Variants in LRRC69 observed in about 807,000 individuals in gnomAD.
The protein encoded by LRRC69 is leucine rich repeat containing 69, also known as leucine-rich repeat-containing protein 69.
LRRC69 carries 42 observed loss-of-function variants against 37.8 expected under a neutral mutation model. That is an observed-to-expected ratio of 1.11 (90% CI 0.87 to 1.44). The LOEUF (loss-of-function observed/expected upper bound fraction) is 1.44. Among genes scored for constraint, LRRC69 ranks in the 40% most tolerant of loss-of-function variants. LRRC69 has a pLI of 0.00. For synonymous variants in LRRC69, 141 were observed against 143.1 expected, an observed-to-expected ratio of 0.99 and a Z score of 0.11; for missense variants, 357 against 401.9, an observed-to-expected ratio of 0.89 and a Z score of 0.96.
intron 1 of LRRC69, among the ~76,000 whole-genome samples, chr8:91,113,212 C>A (rs1362068241): frequency 6.6e-6 from 1 of 151,918 alleles, no homozygotes; most frequent in African/African-American, 2.4e-5. Flanking sequence ...ATAGAAAAAA[C>A]AATTTTAAAA....
intron 1 of LRRC69, among the ~76,000 whole-genome samples, chr8:91,117,781 C>G (rs1813537456): frequency 6.6e-6 from 1 of 151,604 alleles, no homozygotes; most frequent in Non-Finnish European, 1.5e-5. Flanking sequence ...GTGTTGTCAT[C>G]CGCCAGAGGG....
At chr8:91,179,417 G>C (rs1809287072) in intron 5 of LRRC69, among the ~76,000 whole-genome samples, 1 of 152,190 alleles carries the variant, frequency 6.6e-6, no homozygotes, top group Non-Finnish European at 1.5e-5. Flanking sequence ...CACCAAGGGA[G>C]ATGGTGCTAA....
chr8:91,214,806 A>ATT (rs766125366), intron 7 of LRRC69, among the ~76,000 whole-genome samples: 4 of 144,780 alleles, frequency 2.8e-5, no homozygotes, highest in South Asian at 2.2e-4. Context: ...CTTGACAGAA[A>ATT]TTTTTTTTTT....
chr8:91,148,831 C>A (rs545926806), intron 5 of LRRC69, among the ~76,000 whole-genome samples: 13 of 152,092 alleles, frequency 8.5e-5, no homozygotes, highest in Admixed American at 6.6e-4. Flanking sequence ...CTCTGATGGT[C>A]AGTGATGATG....
At chr8:91,189,990 T>C (rs572949492) in intron 6 of LRRC69, among the ~76,000 whole-genome samples, 1 of 152,218 alleles carries the variant, frequency 6.6e-6, no homozygotes, top group East Asian at 1.9e-4. Flanking sequence ...AGTGGATGAA[T>C]GAATATGATC....
chr8:91,176,134 A>ATATT, intron 5 of LRRC69, among the ~76,000 whole-genome samples: 12 of 75,710 alleles, frequency 1.6e-4, no homozygotes, highest in African/African-American at 7.3e-4. Context: ...ATATATATAT[A>ATATT]TTTTTTTTTT....
At chr8:91,199,163 C>A (rs1809671408) in intron 6 of LRRC69, among the ~76,000 whole-genome samples, 1 of 152,156 alleles carries the variant, frequency 6.6e-6, no homozygotes, top group Non-Finnish European at 1.5e-5. Context: ...CCATTGAATT[C>A]GTGTAGCTAA....
rs1044356904 is a variant in LRRC69 at position 91,213,296 on chromosome 8, C to T, written c.934-5594C>T. ...AGGGTGGAATGACCATATAATGTGT[C>T]GTCTAAGCCAAGATGCTTTTGAGAG... On this transcript the variant is annotated intron_variant, in intron 7 of 7. Transcript: ENST00000448384. 9.9e-5 allele frequency among the ~76,000 whole-genome samples: 15 copies of T among 152,148 alleles called. No individual in the cohort carries two copies. In the East Asian group the frequency reaches 1.7e-3, roughly 18 times the overall value.
At chr8:91,162,332 C>T (rs919505399) in intron 5 of LRRC69, among the ~76,000 whole-genome samples, 4 of 151,308 alleles carry the variant, frequency 2.6e-5, no homozygotes, top group Non-Finnish European at 5.9e-5. Context: ...GATACTCTGT[C>T]CAGTGCTGAG....
intron 5 of LRRC69, among the ~76,000 whole-genome samples, chr8:91,147,785 G>A (rs925414300): frequency 1.3e-5 from 2 of 151,690 alleles, no homozygotes; most frequent in Admixed American, 6.6e-5. Context: ...TGCCATGGTG[G>A]TTTGCTGTAC....
chr8:91,121,419 T>A (rs13269704), intron 1 of LRRC69, among the ~76,000 whole-genome samples: 8,053 of 152,094 alleles, frequency 0.053, 314 homozygotes, highest in Middle Eastern at 0.17. Context: ...CTTTCCAACC[T>A]CTTTTTCGCT....
chr8:91,150,842 A>G (rs1323061877), intron 5 of LRRC69, among the ~76,000 whole-genome samples: 1 of 151,838 alleles, frequency 6.6e-6, no homozygotes, highest in Non-Finnish European at 1.5e-5. Flanking sequence ...GAATTTATCC[A>G]TTTCTTCTAG....
intron 5 of LRRC69, among the ~76,000 whole-genome samples, chr8:91,141,926 C>T (rs1367439482): frequency 6.6e-6 from 1 of 151,876 alleles, no homozygotes; most frequent in Non-Finnish European, 1.5e-5. Flanking sequence ...GATAGGCTAT[C>T]ATCGTGGGAT....
chr8:91,112,146 T>A (rs1357235052), intron 1 of LRRC69, among the ~76,000 whole-genome samples: 8 of 152,008 alleles, frequency 5.3e-5, no homozygotes. Context: ...CCAGCAAAAT[T>A]AACAGTCCTT....
chr8:91,153,750 A>G (rs377509796), intron 5 of LRRC69, among the ~76,000 whole-genome samples: 2 of 151,984 alleles, frequency 1.3e-5, no homozygotes, highest in East Asian at 1.9e-4. Flanking sequence ...AAATGCCCAC[A>G]TAAGAAAGCT....
chr8:91,201,472 T>A (rs1809709857), intron 7 of LRRC69, among the ~76,000 whole-genome samples: 1 of 152,158 alleles, frequency 6.6e-6, no homozygotes, highest in South Asian at 2.1e-4. Flanking sequence ...GAATTTAAAT[T>A]TCATATAATG....
chr8:91,161,328 A>G (rs529581321), intron 5 of LRRC69, among the ~76,000 whole-genome samples: 90 of 151,486 alleles, frequency 5.9e-4, no homozygotes, highest in African/African-American at 2.1e-3. Flanking sequence ...GTTAGGAAGA[A>G]TTTCCTTCTT....
Position 91,133,209 on chromosome 8 carries a change from CT to C in LRRC69, c.484del (p.Tyr162ThrfsTer4). 5 of 1,543,014 alleles carry C rather than the reference CT, an allele frequency of 3.2e-6. No homozygotes were observed. The highest frequency in any genetic ancestry group is 4.4e-6 in the Non-Finnish European group (5 of 1,144,808). On this transcript the variant is annotated frameshift_variant, in exon 4 of 8. Transcript: ENST00000448384. LOFTEE classifies it high-confidence loss of function. ...AGAATCTTGTTGAACTTCAACTTAA[CT>C]ACAATCAGCTGATATGCATACCTGA... is the stretch of plus-strand genomic sequence containing the variant.
intron 5 of LRRC69, among the ~76,000 whole-genome samples, chr8:91,184,717 T>C (rs1809376647): frequency 6.6e-6 from 1 of 152,156 alleles, no homozygotes; most frequent in Non-Finnish European, 1.5e-5. Flanking sequence ...TCCATTTTGT[T>C]GTGATGTTTT....
Sources: allele counts gnomAD v4.1 joint callset (sites outside exome capture counted in the v4.1 genomes callset), GRCh38; gene constraint gnomAD v4.1.1; transcripts MANE v1.5; gene names NCBI Gene and HGNC (gene_info 2026-07-23, HGNC 2026-07-21).